SPSB4: variants seen among roughly 807,000 people sequenced by gnomAD.
SPSB4 encodes the protein splA/ryanodine receptor domain and SOCS box containing 4, also known as SPRY domain-containing SOCS box protein 4.
A neutral mutation model predicts 20.9 loss-of-function variants in SPSB4; 21 were observed. The observed-to-expected ratio is 1.01, with a 90% confidence interval of 0.71 to 1.45. The LOEUF (loss-of-function observed/expected upper bound fraction) is 1.45, where lower values mean the gene tolerates loss of function less well. Ranked by LOEUF, SPSB4 falls within the 40% of genes most tolerant of loss-of-function variation. The pLI, the probability that SPSB4 is intolerant of heterozygous loss-of-function variation, is 0.00. For synonymous variants in SPSB4, 207 were observed against 183.8 expected, an observed-to-expected ratio of 1.13 and a Z score of -1.02; for missense variants, 399 against 399.2, an observed-to-expected ratio of 1.00 and a Z score of 0.00.
intron 1 of SPSB4, among the ~76,000 whole-genome samples, chr3:141,058,503 G>A (rs1576512950): frequency 6.6e-6 from 1 of 152,290 alleles, no homozygotes; most frequent in East Asian, 1.9e-4. Context: ...CTGCTTACTG[G>A]GTTGAGAGAT....
At chr3:141,117,204 TG>T (rs1466540388) in intron 2 of SPSB4, 1 of 152,254 alleles carries the variant, frequency 6.6e-6, no homozygotes, top group African/African-American at 2.4e-5. Flanking sequence ...GCTGGGTACC[TG>T]GACTCTGTCC....
At chr3:141,146,460 G>A (rs1939413875) in intron 2 of SPSB4, among the ~76,000 whole-genome samples, 1 of 152,094 alleles carries the variant, frequency 6.6e-6, no homozygotes, top group South Asian at 2.1e-4. Flanking sequence ...ATCATGACCT[G>A]AAGTGAGAAG....
chr3:141,134,018 C>CTTTTTTT (rs1228757184), intron 2 of SPSB4, among the ~76,000 whole-genome samples: 1 of 56,492 alleles, frequency 1.8e-5, no homozygotes, highest in Non-Finnish European at 4.0e-5. Flanking sequence ...AGTATTTTTC[C>CTTTTTTT]TTTTTTTTTT....
At chr3:141,063,582 C>T (rs945541849) in intron 1 of SPSB4, among the ~76,000 whole-genome samples, 1 of 152,118 alleles carries the variant, frequency 6.6e-6, no homozygotes, top group African/African-American at 2.4e-5. Context: ...TAGGTGTCTC[C>T]CTTCTGAAAT....
At chr3:141,080,757 C>A (rs1043295472) in intron 2 of SPSB4, among the ~76,000 whole-genome samples, 3 of 152,244 alleles carry the variant, frequency 2.0e-5, no homozygotes, top group Non-Finnish European at 4.4e-5. Context: ...CTGACACAGG[C>A]AACCTCCCTT....
intron 2 of SPSB4, among the ~76,000 whole-genome samples, chr3:141,082,614 A>G (rs555835886): frequency 7.2e-6 from 1 of 139,810 alleles, no homozygotes; most frequent in African/African-American, 2.8e-5. Context: ...GCCCCAACCC[A>G]GGTGCTATCT....
intron 2 of SPSB4, among the ~76,000 whole-genome samples, chr3:141,080,623 C>A (rs940321794): frequency 6.6e-6 from 1 of 152,234 alleles, no homozygotes; most frequent in African/African-American, 2.4e-5. Context: ...TGGGTAAGCT[C>A]TGGCTTCCCC....
rs377688957 is a variant in SPSB4, at chr3:141,058,584, A to G, written c.-154+6592A>G. 2.0e-4 allele frequency among the ~76,000 whole-genome samples: 31 copies of G among 152,164 alleles called. No individual in the cohort carries two copies. In the East Asian group the frequency reaches 4.3e-3, roughly 21 times the overall value. On this transcript the variant is annotated intron_variant, in intron 1 of 2. Transcript: ENST00000310546. ...TGCCTGGCCCAGTGCTGCATGCTGT[A>G]GTGGAGATGAGGAGAGGAGAAATGT... is the stretch of plus-strand genomic sequence containing the variant.
chr3:141,122,142 G>A (rs1189394095), intron 2 of SPSB4, among the ~76,000 whole-genome samples: 2 of 152,156 alleles, frequency 1.3e-5, no homozygotes, highest in East Asian at 1.9e-4. Flanking sequence ...ATTCCTTTCG[G>A]TTTGTTAGTT....
intron 1 of SPSB4, among the ~76,000 whole-genome samples, chr3:141,055,298 GAA>G (rs766483074): frequency 1.3e-5 from 2 of 152,178 alleles, no homozygotes; most frequent in Non-Finnish European, 2.9e-5. Context: ...GCTTCTGCTA[GAA>G]GGGGCAGGGG....
chr3:141,107,921 C>CTCCA (rs796935583), intron 2 of SPSB4, among the ~76,000 whole-genome samples: 9 of 151,914 alleles, frequency 5.9e-5, no homozygotes, highest in African/African-American at 1.9e-4. Context: ...CACCACTGCA[C>CTCCA]TCCAGCCTGG....
intron 2 of SPSB4, among the ~76,000 whole-genome samples, chr3:141,078,817 A>G (rs1938166071): frequency 6.6e-6 from 1 of 152,102 alleles, no homozygotes; most frequent in African/African-American, 2.4e-5. Flanking sequence ...CACCCTCAAG[A>G]TTGTGTAGTA....
At position 141,062,350 on chromosome 3, in the gene SPSB4, ATACAT is replaced by A. The variant is rs200666142; in HGVS notation, c.-153-3596_-153-3592del. Among the ~76,000 whole-genome samples the A allele has an allele frequency of 1.8e-4, 27 of 151,932 alleles. No individual in the cohort carries two copies. The East Asian group carries it at 5.2e-3, about 29-fold the overall frequency. ...TAATAATATAACATAATATAATATG[ATACAT>A]TACATGATTAGCTTTAATAGTTTAT... On this transcript the variant is annotated intron_variant, in intron 1 of 2. Transcript: ENST00000310546.
intron 2 of SPSB4, among the ~76,000 whole-genome samples, chr3:141,105,499 A>G (rs554354706): frequency 6.6e-6 from 1 of 152,322 alleles, no homozygotes; most frequent in South Asian, 2.1e-4. Flanking sequence ...CATTTAACTG[A>G]GATTTATCAA....
intron 2 of SPSB4, among the ~76,000 whole-genome samples, chr3:141,126,829 A>G (rs1317732721): frequency 6.6e-6 from 1 of 152,214 alleles, no homozygotes; most frequent in Non-Finnish European, 1.5e-5. Context: ...TTAGTAGTGG[A>G]TCTGCCTCTG....
At chr3:141,126,996 C>T (rs79238173) in intron 2 of SPSB4, among the ~76,000 whole-genome samples, 6,533 of 152,320 alleles carry the variant, frequency 0.043, 210 homozygotes, top group Admixed American at 0.092. Flanking sequence ...TCTTCACTCC[C>T]CGCCCAACCC....
At chr3:141,088,918 C>T (rs896465038) in intron 2 of SPSB4, among the ~76,000 whole-genome samples, 2 of 152,162 alleles carry the variant, frequency 1.3e-5, no homozygotes, top group African/African-American at 4.8e-5. Context: ...CATAGAGCTC[C>T]ACAGATATAT....
Position 141,066,767 on chromosome 3 carries a change from A to C in SPSB4, c.663A>C (p.Glu221Asp), listed in dbSNP as rs758176180. 2.5e-5 allele frequency: 39 copies of C among 1,577,416 alleles called. No individual in the cohort carries two copies. Among genetic ancestry groups the C allele is most frequent in the Middle Eastern group, 1.7e-4 (1 of 5,886 alleles). Residue 221 changes from glutamate to aspartate, a missense_variant, in exon 2 of 3, where the codon GAA becomes GAC. Transcript: ENST00000310546. Reference sequence around the variant, plus strand: ...TGAGTGCCGTGTGGGGCCACTGTGAAGTCACCATGCGCTACATCAACGGCC... The same window carrying C: ...TGAGTGCCGTGTGGGGCCACTGTGACGTCACCATGCGCTACATCAACGGCC... ...PVVSAVWGHC[E>D]VTMRYINGLD...
intron 2 of SPSB4, among the ~76,000 whole-genome samples, chr3:141,073,194 T>C (rs1207708922): frequency 1.3e-5 from 2 of 152,164 alleles, no homozygotes; most frequent in Admixed American, 6.6e-5. Flanking sequence ...CCTTTCAGAG[T>C]TGCTGTGAGT....
Sources: gnomAD v4.1 joint callset for allele counts (sites outside exome capture counted in the v4.1 genomes callset) on GRCh38, gnomAD v4.1.1 for gene constraint, MANE v1.5 for transcripts, NCBI Gene and HGNC (gene_info 2026-07-23, HGNC 2026-07-21) for gene names.